The following PARD3B variants were observed in gnomAD, a reference collection of about 807,000 sequenced individuals.
The protein encoded by PARD3B is partitioning defective 3 homolog B.
Under a neutral mutation model 130.2 loss-of-function variants are expected in PARD3B, and 103 were observed. The observed-to-expected ratio is 0.79, with a 90% CI of 0.67 to 0.93. PARD3B has a LOEUF of 0.93. PARD3B is among the 40% of genes least tolerant of loss of function. PARD3B has a pLI of 0.00. For missense variants in PARD3B, 1,609 were observed against 1,499.2 expected (o/e 1.07, Z -1.21); for synonymous variants, 583 against 553.2 (o/e 1.05, Z -0.76).
chr2:205,179,202 C>T (rs2035650894), intron 13 of PARD3B, among the ~76,000 whole-genome samples: 1 of 151,522 alleles, frequency 6.6e-6, no homozygotes, highest in South Asian at 2.1e-4. Context: ...TATGTTTCTA[C>T]AGCTGTACAA....
At chr2:204,553,714 G>T (rs931240416) in intron 1 of PARD3B, among the ~76,000 whole-genome samples, 1 of 109,496 alleles carries the variant, frequency 9.1e-6, no homozygotes, top group African/African-American at 3.9e-5. Context: ...ATATATAAAG[G>T]AATACACCTC....
At chr2:205,370,978 G>A (rs2044794039) in intron 18 of PARD3B, among the ~76,000 whole-genome samples, 1 of 152,064 alleles carries the variant, frequency 6.6e-6, no homozygotes, top group Non-Finnish European at 1.5e-5. Flanking sequence ...GGGCAGCTGT[G>A]GGCACCTTGC....
chr2:204,603,078 C>A (rs2033579164), intron 1 of PARD3B, among the ~76,000 whole-genome samples: 1 of 152,008 alleles, frequency 6.6e-6, no homozygotes, highest in Non-Finnish European at 1.5e-5. Flanking sequence ...TAAAGAGGGT[C>A]CATAAAAGAG....
At chr2:204,905,937 G>C (rs940924428) in intron 2 of PARD3B, among the ~76,000 whole-genome samples, 4 of 152,188 alleles carry the variant, frequency 2.6e-5, no homozygotes, top group African/African-American at 9.7e-5. Context: ...AGAGAAAGGA[G>C]AGTAACACGT....
chr2:205,030,185 G>A (rs1447197357), intron 3 of PARD3B, among the ~76,000 whole-genome samples: 1 of 152,080 alleles, frequency 6.6e-6, no homozygotes, highest in Non-Finnish European at 1.5e-5. Context: ...TGTTTTTGAG[G>A]ACAGAGATAG....
chr2:205,218,017 T>A (rs1418099657), intron 15 of PARD3B, among the ~76,000 whole-genome samples: 1 of 150,360 alleles, frequency 6.7e-6, no homozygotes, highest in Non-Finnish European at 1.5e-5. Context: ...CTCAACCTCC[T>A]GAGTAGCTGG....
At chr2:204,821,453 A>T (rs1013361480) in intron 2 of PARD3B, among the ~76,000 whole-genome samples, 1 of 151,306 alleles carries the variant, frequency 6.6e-6, no homozygotes. Context: ...AGCAAGAACA[A>T]AAAACCAAAC....
intron 2 of PARD3B, among the ~76,000 whole-genome samples, chr2:204,754,481 G>A (rs1021332453): frequency 6.6e-6 from 1 of 152,082 alleles, no homozygotes; most frequent in Non-Finnish European, 1.5e-5. Context: ...CATGTAGAAA[G>A]TAAGTATAAT....
chr2:205,499,377 A>C (rs1385934605), intron 20 of PARD3B, among the ~76,000 whole-genome samples: 2 of 151,400 alleles, frequency 1.3e-5, no homozygotes, highest in African/African-American at 4.9e-5. Flanking sequence ...CCTTTTTTAC[A>C]CGTGTCCTAA....
In PARD3B at chr2:205,011,759, C is replaced by T. The variant is rs557213964; in HGVS notation, c.395-35822C>T. Among the ~76,000 whole-genome samples the T allele has an allele frequency of 1.3e-5, 2 of 152,056 alleles. No individual in the cohort carries two copies. The highest frequency in any genetic ancestry group is 3.9e-4 in the East Asian group (2 of 5,174). ...TAGCTTGGAAATAAAGAAGGGGTCTCACCATTCAGTATTTGACTCTTCCTT... is the reference window on the plus strand; with the variant it reads ...TAGCTTGGAAATAAAGAAGGGGTCTTACCATTCAGTATTTGACTCTTCCTT... On this transcript the variant is annotated intron_variant, in intron 3 of 22. Coordinates refer to ENST00000406610, the MANE Select transcript of PARD3B (RefSeq NM_001302769.2). The surrounding 1 kb of genome is among the most constrained non-coding windows in gnomAD (Gnocchi z 4.1).
chr2:204,996,511 G>T (rs930245517), intron 3 of PARD3B, among the ~76,000 whole-genome samples: 3 of 152,074 alleles, frequency 2.0e-5, no homozygotes, highest in Non-Finnish European at 4.4e-5. Context: ...ATTTAAGTCT[G>T]CAGAGGTTAC....
At chr2:204,974,554 G>A (rs1238305888) in intron 3 of PARD3B, among the ~76,000 whole-genome samples, 2 of 152,304 alleles carry the variant, frequency 1.3e-5, no homozygotes, top group Non-Finnish European at 2.9e-5. Flanking sequence ...ATTTGGTTCT[G>A]TATAATTGTG....
intron 1 of PARD3B, among the ~76,000 whole-genome samples, chr2:204,637,832 G>A (rs917038716): frequency 2.6e-5 from 4 of 151,766 alleles, no homozygotes. Flanking sequence ...CTTTTGGAAG[G>A]CACTTTGGCT....
intron 1 of PARD3B, among the ~76,000 whole-genome samples, chr2:204,563,520 T>C (rs1298563265): frequency 6.6e-6 from 1 of 152,192 alleles, no homozygotes; most frequent in African/African-American, 2.4e-5. Context: ...GGGAATTCTG[T>C]TGATTTCCCC....
chr2:204,632,185 C>G (rs1393140506), intron 1 of PARD3B, among the ~76,000 whole-genome samples: 1 of 152,106 alleles, frequency 6.6e-6, no homozygotes, highest in Non-Finnish European at 1.5e-5. Context: ...TCCCTGTTCA[C>G]TCTCTCTTGC....
intron 21 of PARD3B, among the ~76,000 whole-genome samples, chr2:205,539,503 C>T (rs550627079): frequency 6.6e-6 from 1 of 152,258 alleles, no homozygotes; most frequent in South Asian, 2.1e-4. Flanking sequence ...TGGTCAGGGG[C>T]CCATCAGCAT....
At chr2:204,777,361 T>G (rs2041662977) in intron 2 of PARD3B, among the ~76,000 whole-genome samples, 1 of 152,154 alleles carries the variant, frequency 6.6e-6, no homozygotes, top group Admixed American at 6.6e-5. Context: ...TACTTTAATG[T>G]GTATGTTGGG....
chr2:205,123,989 C>T (rs2031078012), intron 8 of PARD3B, among the ~76,000 whole-genome samples: 2 of 152,156 alleles, frequency 1.3e-5, no homozygotes, highest in African/African-American at 4.8e-5. Flanking sequence ...GTCAAATGGC[C>T]TTTTGCTTCT....
chr2:204,636,237 A>C (rs945677551), intron 1 of PARD3B, among the ~76,000 whole-genome samples: 1 of 152,094 alleles, frequency 6.6e-6, no homozygotes, highest in Non-Finnish European at 1.5e-5. Flanking sequence ...TGTACTGTAG[A>C]CCCAGAGCTG....
Sources: gnomAD v4.1 joint callset for allele counts (sites outside exome capture counted in the v4.1 genomes callset) on GRCh38, gnomAD v4.1.1 for gene constraint, Gnocchi (gnomAD v3.1) non-coding constraint, MANE v1.5 for transcripts, NCBI Gene and HGNC (gene_info 2026-07-23, HGNC 2026-07-21) for gene names.